Variants in PLEKHH2 observed in about 807,000 individuals in gnomAD.
PLEKHH2 encodes the protein pleckstrin homology, MyTH4 and FERM domain containing H2, also known as pleckstrin homology domain-containing family H member 2.
PLEKHH2 carries 129 observed loss-of-function variants against 187.9 expected under a neutral mutation model. That is an observed-to-expected ratio of 0.69 (90% CI 0.59 to 0.79). The LOEUF is 0.79. Ranked by LOEUF, PLEKHH2 falls within the 30% of genes least tolerant of loss-of-function variation. PLEKHH2 has a pLI of 0.00. For synonymous variants in PLEKHH2, 686 were observed against 605.6 expected (o/e 1.13, Z -1.95); for missense variants, 2,076 against 1,751.2 (o/e 1.19, Z -3.31).
chr2:43,717,098 G>T (rs1025267482), intron 15 of PLEKHH2, among the ~76,000 whole-genome samples: 1 of 152,086 alleles, frequency 6.6e-6, no homozygotes, highest in Non-Finnish European at 1.5e-5. Flanking sequence ...AGGATCAAGG[G>T]GCTTAAAATT....
chr2:43,713,820 T>C (rs1670084777), intron 15 of PLEKHH2, among the ~76,000 whole-genome samples: 1 of 152,138 alleles, frequency 6.6e-6, no homozygotes, highest in Non-Finnish European at 1.5e-5. Flanking sequence ...GAAAATTAGA[T>C]GGAAAGTAAC....
intron 2 of PLEKHH2, among the ~76,000 whole-genome samples, chr2:43,666,061 C>A (rs1667186101): frequency 6.7e-6 from 1 of 149,334 alleles, no homozygotes; most frequent in Non-Finnish European, 1.5e-5. Context: ...TGGCGGGCTC[C>A]CCTCCCCCAG....
rs1209615455 is a variant in PLEKHH2, at chr2:43,697,376, A to G, written c.688+20A>G. On this transcript the variant is annotated intron_variant, in intron 7 of 29. Coordinates refer to ENST00000282406, the MANE Select transcript of PLEKHH2 (RefSeq NM_172069.4). ...TGGAAGGTATTTATGAACTACAGGA[A>G]TTGACTTTGGCATTTTTTAAAAAGG... 2.6e-6 allele frequency: 4 copies of G among 1,567,834 alleles called. No homozygotes were observed. Among genetic ancestry groups the G allele is most frequent in the Non-Finnish European group, 3.5e-6 (4 of 1,154,156 alleles).
At chr2:43,693,706 T>A (rs7603968) in intron 4 of PLEKHH2, among the ~76,000 whole-genome samples, 9 of 108,736 alleles carry the variant, frequency 8.3e-5, no homozygotes, top group Non-Finnish European at 1.5e-4. Context: ...CCTGGGCGAC[T>A]GAGCGAGACT....
chr2:43,754,205 C>A (rs73923873), intron 25 of PLEKHH2, among the ~76,000 whole-genome samples: 55,873 of 142,958 alleles, frequency 0.39, 11,639 homozygotes, highest in African/African-American at 0.6. Context: ...CACACACACA[C>A]AAAATTAATA....
chr2:43,640,897 G>A (rs1665877522), intron 1 of PLEKHH2, among the ~76,000 whole-genome samples: 2 of 150,508 alleles, frequency 1.3e-5, no homozygotes, highest in South Asian at 4.2e-4. Flanking sequence ...TGATCTTCCT[G>A]CCTCAACCCC....
intron 7 of PLEKHH2, among the ~76,000 whole-genome samples, chr2:43,698,644 CTTGCTCATTTGCAAA>C (rs1669212609): frequency 6.6e-6 from 1 of 152,152 alleles, no homozygotes; most frequent in South Asian, 2.1e-4. Context: ...TACTGATGCT[CTTGCTCATTTGCAAA>C]TTTAACAAAC....
intron 27 of PLEKHH2, 75 bp from the exon 28 acceptor site, chr2:43,762,229 T>G: frequency 8.9e-7 from 1 of 1,122,006 alleles, no homozygotes; most frequent in Non-Finnish European, 1.3e-6. Context: ...AAATGTTACA[T>G]GACATTTAGA....
In PLEKHH2 at chr2:43,757,233, T is replaced by C. The variant is rs1376620725; in HGVS notation, c.3910T>C (p.Tyr1304His). ...QVIEKFYPKR[Y>H]RDGCSEEQLR... is the part of the protein sequence containing the mutation. The stretch of plus-strand genomic sequence containing the variant: ...CATAGAGAAATTTTATCCTAAAAGG[T>C]ATAGAGATGGCTGTTCTGAAGAGCA... Residue 1304 changes from tyrosine (Y) to histidine (H), a missense_variant, in exon 26 of 30, where the codon TAT becomes CAT. Transcript: ENST00000282406. 2 of 1,594,780 alleles carry C rather than the reference T, an allele frequency of 1.3e-6. No homozygotes were observed. The highest frequency in any genetic ancestry group is 1.4e-5 in the African/African-American group (1 of 73,876).
In PLEKHH2 at chr2:43,707,509, A is replaced by G. The variant is rs1238165120; in HGVS notation, c.1930A>G (p.Arg644Gly). ...GACGTCAGAGTCAGACTCACGCAGT[A>G]GGAGTGGGCCAGGCAGCCCCAGAGC... is the stretch of plus-strand genomic sequence containing the variant. Reference protein sequence around the residue: ...SRTSESDSRSRSGPGSPRAMK... With the variant: ...SRTSESDSRSGSGPGSPRAMK... Residue 644 changes from arginine (R) to glycine (G), a missense_variant, in exon 11 of 30, where the codon AGG becomes GGG. Coordinates refer to ENST00000282406, the MANE Select transcript of PLEKHH2 (RefSeq NM_172069.4). 2 of 1,614,180 alleles carry G rather than the reference A, an allele frequency of 1.2e-6. No homozygotes were observed. The highest frequency in any genetic ancestry group is 2.2e-5 in the East Asian group (1 of 44,886).
At chr2:43,701,046 G>C (rs1482086620) in intron 8 of PLEKHH2, among the ~76,000 whole-genome samples, 2 of 152,152 alleles carry the variant, frequency 1.3e-5, no homozygotes, top group Non-Finnish European at 2.9e-5. Context: ...AATCAATTGA[G>C]AAATAAGATA....
chr2:43,728,328 A>G (rs930154556), intron 17 of PLEKHH2, among the ~76,000 whole-genome samples: 1 of 151,224 alleles, frequency 6.6e-6, no homozygotes, highest in African/African-American at 2.4e-5. Flanking sequence ...AAAATACAAA[A>G]AGTAGCTGGA....
At chr2:43,705,574 A>G (rs1303266825) in intron 9 of PLEKHH2, among the ~76,000 whole-genome samples, 1 of 152,138 alleles carries the variant, frequency 6.6e-6, no homozygotes, top group Non-Finnish European at 1.5e-5. Context: ...TTACATTCCA[A>G]TATTTCAACA....
rs775538449 is a variant in PLEKHH2 at position 43,740,963 on chromosome 2, A to G, written c.3141A>G (p.Ala1047=). The G allele has an allele frequency of 3.7e-6, 6 of 1,613,694 alleles. No individual in the cohort carries two copies. The highest frequency in any genetic ancestry group is 5.1e-6 in the Non-Finnish European group (6 of 1,179,826). ...PGPLQGWQLL[A]LCVGLFLPHH... is the part of the protein sequence containing the mutation. ...CTGCCCAGGGCTGGCAGCTCTTGGC[A>G]CTCTGCGTTGGGCTCTTCCTTCCCC... Residue 1047 remains alanine (A), a synonymous_variant, in exon 21 of 30, where the codon GCA becomes GCG. Transcript: ENST00000282406.
chr2:43,666,791 T>C (rs1385054662), intron 2 of PLEKHH2, among the ~76,000 whole-genome samples: 1 of 152,208 alleles, frequency 6.6e-6, no homozygotes, highest in Non-Finnish European at 1.5e-5. Context: ...TTAGCATTTT[T>C]AAAAATGGGG....
chr2:43,685,323 G>A (rs1250571565), intron 3 of PLEKHH2, among the ~76,000 whole-genome samples: 2 of 152,154 alleles, frequency 1.3e-5, no homozygotes, highest in East Asian at 1.9e-4. Context: ...CATCACTTCT[G>A]TAACAATTAA....
intron 7 of PLEKHH2, among the ~76,000 whole-genome samples, chr2:43,697,655 C>T (rs1194491483): frequency 1.3e-5 from 2 of 152,098 alleles, no homozygotes; most frequent in African/African-American, 4.8e-5. Flanking sequence ...AGATGCTGTA[C>T]TTGTTTTAGC....
intron 3 of PLEKHH2, among the ~76,000 whole-genome samples, chr2:43,689,884 G>A (rs1423531118): frequency 6.6e-6 from 1 of 152,108 alleles, no homozygotes; most frequent in Non-Finnish European, 1.5e-5. Flanking sequence ...AGTTTTTCAG[G>A]TCTATAGACC....
intron 3 of PLEKHH2, chr2:43,681,539 T>C: frequency 1.4e-6 from 2 of 1,453,992 alleles, no homozygotes; most frequent in South Asian, 1.2e-5. Flanking sequence ...GCTTTGCGTA[T>C]GCAGAAAGAC....
Sources: allele counts gnomAD v4.1 joint callset (sites outside exome capture counted in the v4.1 genomes callset), GRCh38; gene constraint gnomAD v4.1.1; transcripts MANE v1.5; gene names NCBI Gene and HGNC (gene_info 2026-07-23, HGNC 2026-07-21).